RUNX2: variants seen among roughly 807,000 people sequenced by gnomAD.
The protein encoded by RUNX2 is runt-related transcription factor 2.
In RUNX2, 10 loss-of-function variants were observed where a neutral mutation model predicts 51.7. The observed-to-expected ratio is 0.19, with a 90% CI of 0.12 to 0.33. RUNX2 has a LOEUF of 0.33. Among genes scored for constraint, RUNX2 ranks in the 10% least tolerant of loss-of-function variants. The pLI, the probability that RUNX2 is intolerant of heterozygous loss-of-function variation, is 1.00. For synonymous variants in RUNX2, 276 were observed against 273.6 expected, an observed-to-expected ratio of 1.01 and a Z score of -0.09; for missense variants, 562 against 691.3, an observed-to-expected ratio of 0.81 and a Z score of 2.10.
At chr6:45,433,727 T>G (rs1798606508) in intron 4 of RUNX2, among the ~76,000 whole-genome samples, 1 of 152,360 alleles carries the variant, frequency 6.6e-6, no homozygotes, top group African/African-American at 2.4e-5. Context: ...GGGTGTGCAC[T>G]GTTTTACTAT....
chr6:45,349,628 GA>G (rs2150180302), intron 2 of RUNX2, among the ~76,000 whole-genome samples: 1 of 152,306 alleles, frequency 6.6e-6, no homozygotes, highest in East Asian at 1.9e-4. Context: ...CATTGCACTG[GA>G]AGATTCATTT....
chr6:45,511,808 A>G (rs1801159563), intron 6 of RUNX2, among the ~76,000 whole-genome samples: 1 of 152,248 alleles, frequency 6.6e-6, no homozygotes. Flanking sequence ...GGCACAGTCT[A>G]CATAGTCTTT....
At chr6:45,499,167 T>A (rs534726358) in intron 6 of RUNX2, among the ~76,000 whole-genome samples, 1 of 152,182 alleles carries the variant, frequency 6.6e-6, no homozygotes, top group Non-Finnish European at 1.5e-5. Context: ...AAAGACAGAT[T>A]GTTGGAAGTG....
chr6:45,488,647 C>A (rs527652917), intron 5 of RUNX2, among the ~76,000 whole-genome samples: 149 of 152,218 alleles, frequency 9.8e-4, no homozygotes, highest in African/African-American at 3.4e-3. Context: ...TGATATGGGG[C>A]CTGGACATCC....
intron 5 of RUNX2, among the ~76,000 whole-genome samples, chr6:45,476,852 C>T: frequency 6.6e-6 from 1 of 151,832 alleles, no homozygotes; most frequent in East Asian, 1.9e-4. Context: ...TAATGAATAT[C>T]ATTAGAGGTA....
chr6:45,389,268 T>TA (rs1336561140), intron 2 of RUNX2, among the ~76,000 whole-genome samples: 1 of 152,248 alleles, frequency 6.6e-6, no homozygotes, highest in East Asian at 1.9e-4. Flanking sequence ...TCTACTATTA[T>TA]TGTCCCAATA....
chr6:45,373,113 A>G (rs1796318376), intron 2 of RUNX2, among the ~76,000 whole-genome samples: 1 of 151,600 alleles, frequency 6.6e-6, no homozygotes, highest in Non-Finnish European at 1.5e-5. Context: ...GGCCCAGCTA[A>G]TTTTTGTTTT....
intron 2 of RUNX2, among the ~76,000 whole-genome samples, chr6:45,335,734 A>T (rs1182802475): frequency 1.3e-5 from 2 of 151,296 alleles, no homozygotes; most frequent in Admixed American, 1.3e-4. Context: ...TTAAGACACC[A>T]TGAAGTAATC....
intron 6 of RUNX2, among the ~76,000 whole-genome samples, chr6:45,493,785 C>T (rs1362244453): frequency 6.6e-6 from 1 of 151,536 alleles, no homozygotes; most frequent in Non-Finnish European, 1.5e-5. Flanking sequence ...TATATATACA[C>T]ACATATATAT....
At chr6:45,467,758 C>A (rs1799677291) in intron 5 of RUNX2, among the ~76,000 whole-genome samples, 1 of 152,126 alleles carries the variant, frequency 6.6e-6, no homozygotes, top group Non-Finnish European at 1.5e-5. Context: ...TGAACAACTC[C>A]CAAATCTTTA....
intron 5 of RUNX2, among the ~76,000 whole-genome samples, chr6:45,448,772 C>T (rs79144657): frequency 3.3e-5 from 5 of 151,994 alleles, no homozygotes; most frequent in African/African-American, 7.3e-5. Context: ...ATTTTGGTTG[C>T]GGGGGATACT....
At chr6:45,428,182 C>A (rs1389947472) in intron 3 of RUNX2, among the ~76,000 whole-genome samples, 1 of 152,128 alleles carries the variant, frequency 6.6e-6, no homozygotes, top group Non-Finnish European at 1.5e-5. Context: ...GTTTTGACTG[C>A]ACTTTACCCC....
chr6:45,376,309 T>C (rs1013214421), intron 2 of RUNX2, among the ~76,000 whole-genome samples: 5 of 152,230 alleles, frequency 3.3e-5, no homozygotes, highest in African/African-American at 1.2e-4. Context: ...AGCTGGCTTA[T>C]CTGATTTAAA....
At chr6:45,399,149 CT>C (rs1645250496) in intron 2 of RUNX2, among the ~76,000 whole-genome samples, 1 of 152,032 alleles carries the variant, frequency 6.6e-6, no homozygotes, top group Non-Finnish European at 1.5e-5. Flanking sequence ...TTCTACTCCC[CT>C]GACCCCAGTT....
chr6:45,521,033 T>A (rs1801492385), intron 7 of RUNX2, among the ~76,000 whole-genome samples: 1 of 152,180 alleles, frequency 6.6e-6, no homozygotes, highest in African/African-American at 2.4e-5. Flanking sequence ...TCCTTTAGCA[T>A]AAAAATTTAA....
chr6:45,333,627 T>A (rs1787956364), intron 2 of RUNX2, among the ~76,000 whole-genome samples: 1 of 151,302 alleles, frequency 6.6e-6, no homozygotes, highest in South Asian at 2.1e-4. Flanking sequence ...ACTGCATCAT[T>A]TAACATGATA....
At chr6:45,339,279 T>A (rs1425458795) in intron 2 of RUNX2, among the ~76,000 whole-genome samples, 1 of 152,148 alleles carries the variant, frequency 6.6e-6, no homozygotes, top group Non-Finnish European at 1.5e-5. Context: ...GGGGAGTAAG[T>A]CTTGGGGAAG....
intron 2 of RUNX2, among the ~76,000 whole-genome samples, chr6:45,400,492 T>C (rs1322653509): frequency 2.0e-5 from 3 of 152,220 alleles, no homozygotes; most frequent in African/African-American, 7.2e-5. Flanking sequence ...TGCCTGTTCC[T>C]TAAATGATCT....
chr6:45,504,498 T>C (rs1437711368), intron 6 of RUNX2, among the ~76,000 whole-genome samples: 1 of 152,222 alleles, frequency 6.6e-6, no homozygotes, highest in Non-Finnish European at 1.5e-5. Flanking sequence ...AGGCCATTTG[T>C]TTGTAAACAG....
Sources: allele counts gnomAD v4.1 joint callset (sites outside exome capture counted in the v4.1 genomes callset), GRCh38; gene constraint gnomAD v4.1.1; transcripts MANE v1.5; gene names NCBI Gene and HGNC (gene_info 2026-07-23, HGNC 2026-07-21).